ACAP2: variants seen among roughly 807,000 people sequenced by gnomAD.
ACAP2 encodes the protein ArfGAP with coiled-coil, ankyrin repeat and PH domains 2.
In ACAP2, 39 loss-of-function variants were observed where a neutral mutation model predicts 115.8. The ratio of observed to expected loss-of-function variants is 0.34; its 90% CI spans 0.26 to 0.44. ACAP2 has a LOEUF of 0.44. Ranked by LOEUF, ACAP2 falls within the 20% of genes least tolerant of loss-of-function variation. ACAP2 has a pLI of 1.00. For missense variants in ACAP2, 662 were observed against 927.6 expected (o/e 0.71, Z 3.72); for synonymous variants, 289 against 315.8 (o/e 0.92, Z 0.90).
intron 1 of ACAP2, among the ~76,000 whole-genome samples, chr3:195,416,290 G>A (rs190987053): frequency 1.3e-5 from 2 of 151,370 alleles, no homozygotes; most frequent in Non-Finnish European, 2.9e-5. Context: ...AGGCTGCAGT[G>A]AGCCAAGACT....
chr3:195,438,242 G>A (rs148912008), intron 1 of ACAP2, among the ~76,000 whole-genome samples: 9 of 151,714 alleles, frequency 5.9e-5, no homozygotes, highest in African/African-American at 2.2e-4. Context: ...TGGCCAGGCT[G>A]GTTTCGAACT....
chr3:195,421,125 C>T (rs541500995), intron 1 of ACAP2, among the ~76,000 whole-genome samples: 27 of 152,184 alleles, frequency 1.8e-4, no homozygotes, highest in African/African-American at 6.5e-4. Flanking sequence ...GTAATTCAGC[C>T]TGATAATTCT....
intron 4 of ACAP2, among the ~76,000 whole-genome samples, chr3:195,351,837 C>T (rs1010035154): frequency 1.3e-5 from 2 of 152,286 alleles, no homozygotes; most frequent in South Asian, 2.1e-4. Flanking sequence ...AAACAAAATG[C>T]TCAACATCAT....
At chr3:195,368,010 C>A (rs1479016880) in intron 4 of ACAP2, among the ~76,000 whole-genome samples, 1 of 152,156 alleles carries the variant, frequency 6.6e-6, no homozygotes, top group East Asian at 1.9e-4. Context: ...ATGTTGGTAG[C>A]CGTATTTAAG....
intron 20 of ACAP2, among the ~76,000 whole-genome samples, chr3:195,289,909 A>C (rs1245892201): frequency 6.6e-6 from 1 of 152,184 alleles, no homozygotes; most frequent in African/African-American, 2.4e-5. Context: ...GAAGAAAGCC[A>C]AGGCAATGTA....
chr3:195,349,811 C>T (rs1007588717), intron 4 of ACAP2: 11 of 342,836 alleles, frequency 3.2e-5, no homozygotes, highest in Admixed American at 1.3e-4. Context: ...CAGAAATTTG[C>T]CATGAAGGAG....
rs112384697 is a variant in ACAP2, at chr3:195,365,903, G to A, written c.285+15106C>T. Among the ~76,000 whole-genome samples, 112 of 150,154 alleles carry A rather than the reference G, an allele frequency of 7.5e-4. 1 individual carries two copies. The highest frequency in any genetic ancestry group is 2.5e-3 in the African/African-American group (103 of 40,714). Reference sequence around the variant, plus strand: ...CCGCCTAAGCTGGAGTGTAGGTGGCGCGACCTTAGCTCACCGCAACCTGCA... The same window carrying A: ...CCGCCTAAGCTGGAGTGTAGGTGGCACGACCTTAGCTCACCGCAACCTGCA... On this transcript the variant is annotated intron_variant, in intron 4 of 22. Coordinates refer to ENST00000326793, the MANE Select transcript of ACAP2 (RefSeq NM_012287.6).
intron 1 of ACAP2, among the ~76,000 whole-genome samples, chr3:195,433,857 G>C (rs532737616): frequency 6.6e-6 from 1 of 152,060 alleles, no homozygotes; most frequent in Non-Finnish European, 1.5e-5. Flanking sequence ...TAGTACTTTC[G>C]TCAAAGATTT....
intron 4 of ACAP2, among the ~76,000 whole-genome samples, chr3:195,371,737 C>T (rs999211009): frequency 6.6e-6 from 1 of 152,164 alleles, no homozygotes; most frequent in African/African-American, 2.4e-5. Context: ...ACTGCAACCT[C>T]CACCTCCCGG....
At chr3:195,392,850 AT>A (rs1333135983) in intron 1 of ACAP2, among the ~76,000 whole-genome samples, 1 of 152,224 alleles carries the variant, frequency 6.6e-6, no homozygotes, top group East Asian at 1.9e-4. Flanking sequence ...GGATGAAAAC[AT>A]TTTACACTCA....
At chr3:195,337,387 T>G (rs1305200441) in intron 6 of ACAP2, among the ~76,000 whole-genome samples, 2 of 151,690 alleles carry the variant, frequency 1.3e-5, no homozygotes, top group African/African-American at 4.8e-5. Flanking sequence ...TGAATTAGTC[T>G]CTTCTCTGCT....
chr3:195,325,798 ACAT>A lies in ACAP2; in HGVS notation c.744+1084_744+1086del, dbSNP rs781192606. 4.6e-5 allele frequency among the ~76,000 whole-genome samples: 7 copies of A among 152,268 alleles called. No individual in the cohort carries two copies. In the South Asian group the frequency reaches 1.0e-3, roughly 23 times the overall value. ...TCATTAAAACTCATTACCCATGAACACATCATACTGTACACTCTAATTATGTAA... is the reference window on the plus strand; with the variant it reads ...TCATTAAAACTCATTACCCATGAACACATACTGTACACTCTAATTATGTAA... On this transcript the variant is annotated intron_variant, in intron 9 of 22. Coordinates refer to ENST00000326793, the MANE Select transcript of ACAP2 (RefSeq NM_012287.6).
intron 1 of ACAP2, among the ~76,000 whole-genome samples, chr3:195,415,363 G>A (rs1335735984): frequency 3.4e-5 from 5 of 146,654 alleles, no homozygotes; most frequent in South Asian, 2.2e-4. Context: ...TGCAACCTCC[G>A]CCTCCCACGT....
chr3:195,344,582 G>A (rs566543731), intron 5 of ACAP2, among the ~76,000 whole-genome samples: 4 of 151,394 alleles, frequency 2.6e-5, no homozygotes, highest in South Asian at 4.2e-4. Context: ...GTGCGATGGC[G>A]CGATCTCAGC....
rs1224183223 is a variant in ACAP2 at position 195,291,753 on chromosome 3, G to T, written c.2016C>A (p.Val672=). The change falls in exon 20 of 23, where the codon GTC becomes GTA. Residue 672 remains valine (V), a synonymous_variant. Transcript: ENST00000326793. ...CATGGTGCAATGGTCCCCGCCCTTG[G>T]ACATCTCTTTGGTTGACATTAGCAC... ...QNGANVNQRD[V]QGRGPLHHAT... The T allele has an allele frequency of 1.9e-6, 3 of 1,614,064 alleles. No individual in the cohort carries two copies.
intron 13 of ACAP2, among the ~76,000 whole-genome samples, chr3:195,302,533 G>A (rs1447635212): frequency 2.0e-5 from 3 of 151,920 alleles, no homozygotes; most frequent in African/African-American, 7.2e-5. Context: ...AAATATTATT[G>A]TTTTATACCA....
intron 1 of ACAP2, among the ~76,000 whole-genome samples, chr3:195,441,101 G>T (rs916093220): frequency 2.7e-5 from 4 of 148,778 alleles, no homozygotes; most frequent in Non-Finnish European, 5.9e-5. Flanking sequence ...CCAGTAGCTA[G>T]AAGTATTTCC....
intron 21 of ACAP2, among the ~76,000 whole-genome samples, chr3:195,287,132 G>A (rs184743751): frequency 6.6e-6 from 1 of 152,184 alleles, no homozygotes; most frequent in Non-Finnish European, 1.5e-5. Flanking sequence ...CTCCAATGAG[G>A]GGGGATAAGC....
intron 2 of ACAP2, among the ~76,000 whole-genome samples, chr3:195,389,099 C>CT (rs1339004991): frequency 6.6e-6 from 1 of 150,876 alleles, no homozygotes; most frequent in Non-Finnish European, 1.5e-5. Context: ...AACTATGGAA[C>CT]TTTAGTGCGA....
Sources: gnomAD v4.1 joint callset for allele counts (sites outside exome capture counted in the v4.1 genomes callset) on GRCh38, gnomAD v4.1.1 for gene constraint, MANE v1.5 for transcripts, NCBI Gene and HGNC (gene_info 2026-07-23, HGNC 2026-07-21) for gene names.